ZFHX3: variants seen among roughly 807,000 people sequenced by gnomAD.
ZFHX3 encodes zinc finger homeobox 3.
In ZFHX3, 42 loss-of-function variants were observed where a neutral mutation model predicts 279.1. That is an observed-to-expected ratio of 0.15 (90% CI 0.12 to 0.19). The LOEUF (loss-of-function observed/expected upper bound fraction) is 0.19. Ranked by LOEUF, ZFHX3 falls within the 10% of genes least tolerant of loss-of-function variation. ZFHX3 has a pLI of 1.00. For missense variants in ZFHX3, 4,981 were observed against 4,754.0 expected, an observed-to-expected ratio of 1.05 and a Z score of -1.40; for synonymous variants, 2,293 against 1,957.8, an observed-to-expected ratio of 1.17 and a Z score of -4.52.
At chr16:73,011,304 TA>T (rs1597088517) in intron 1 of ZFHX3, among the ~76,000 whole-genome samples, 1 of 151,926 alleles carries the variant, frequency 6.6e-6, no homozygotes, top group African/African-American at 2.4e-5. Context: ...TTTTTTTTTT[TA>T]ATTTTTTGTA....
intron 4 of ZFHX3, among the ~76,000 whole-genome samples, chr16:72,859,922 T>C (rs2037842540): frequency 6.6e-6 from 1 of 152,162 alleles, no homozygotes; most frequent in Non-Finnish European, 1.5e-5. Flanking sequence ...TAAGACAGGC[T>C]AGTTTACAGA....
chr16:73,463,227 G>A (rs2018503000), intron 2 of ZFHX3, among the ~76,000 whole-genome samples: 1 of 152,172 alleles, frequency 6.6e-6, no homozygotes, highest in African/African-American at 2.4e-5. Context: ...AACATGCCAA[G>A]CACTTTACAA....
chr16:73,114,530 C>A (rs576479646), intron 7 of ZFHX3, among the ~76,000 whole-genome samples: 9 of 151,766 alleles, frequency 5.9e-5, no homozygotes, highest in Admixed American at 5.3e-4. Flanking sequence ...GATTTAAAAA[C>A]TAGCCAGGCA....
intron 4 of ZFHX3, among the ~76,000 whole-genome samples, chr16:72,867,014 G>A (rs965918237): frequency 2.6e-5 from 4 of 152,190 alleles, no homozygotes; most frequent in Admixed American, 2.0e-4. Flanking sequence ...TCTTAATTTG[G>A]AGAGGGAACT....
intron 3 of ZFHX3, among the ~76,000 whole-genome samples, chr16:73,370,359 G>A (rs182137804): frequency 2.4e-4 from 37 of 152,222 alleles, no homozygotes; most frequent in African/African-American, 8.2e-4. Flanking sequence ...AGCAGACTGC[G>A]TTCTCCCTGA....
At chr16:72,895,445 T>A (rs2038876460) in intron 3 of ZFHX3, among the ~76,000 whole-genome samples, 1 of 152,182 alleles carries the variant, frequency 6.6e-6, no homozygotes, top group South Asian at 2.1e-4. Context: ...CAAACTCACT[T>A]GGTTGGGCCA....
intron 4 of ZFHX3, among the ~76,000 whole-genome samples, chr16:73,311,506 T>C (rs1054154646): frequency 6.7e-6 from 1 of 148,294 alleles, no homozygotes; most frequent in Non-Finnish European, 1.5e-5. Context: ...ACGAGAATCA[T>C]TTAAACCTGT....
intron 4 of ZFHX3, among the ~76,000 whole-genome samples, chr16:73,263,379 G>T (rs544516208): frequency 6.6e-6 from 1 of 151,992 alleles, no homozygotes; most frequent in Non-Finnish European, 1.5e-5. Flanking sequence ...TAAGAGATGG[G>T]GGTCACAGTA....
chr16:73,481,515 C>T (rs2018866023), intron 2 of ZFHX3, among the ~76,000 whole-genome samples: 1 of 147,226 alleles, frequency 6.8e-6, no homozygotes, highest in African/African-American at 2.6e-5. Context: ...CTTACTGCAG[C>T]CTCAAACTCT....
chr16:72,815,689 A>C (rs184489634), intron 5 of ZFHX3, among the ~76,000 whole-genome samples: 29 of 152,346 alleles, frequency 1.9e-4, no homozygotes, highest in Middle Eastern at 3.4e-3. Flanking sequence ...ACAATATACA[A>C]AACACTTTTA....
chr16:72,990,846 G>A (rs1000460780), intron 1 of ZFHX3, among the ~76,000 whole-genome samples: 4 of 152,132 alleles, frequency 2.6e-5, no homozygotes, highest in Admixed American at 6.5e-5. Flanking sequence ...CGGGTGTGGC[G>A]GCACATGCCT....
chr16:72,949,436 C>T (rs1485404595), intron 3 of ZFHX3, among the ~76,000 whole-genome samples: 1 of 152,090 alleles, frequency 6.6e-6, no homozygotes, highest in African/African-American at 2.4e-5. Context: ...CATACTAAAG[C>T]CATTATGGGA....
Position 72,796,263 on chromosome 16 carries a change from A to G in ZFHX3, c.6419T>C (p.Leu2140Pro), listed in dbSNP as rs774424097. 17 of 1,614,016 alleles carry G rather than the reference A, an allele frequency of 1.1e-5. 1 individual carries two copies. The South Asian group carries it at 1.9e-4, about 18-fold the overall frequency. The change falls in exon 9 of 10, where the codon CTG (leucine) becomes CCG (proline). Residue 2140 changes from leucine (L) to proline (P), a missense_variant. Leu to Pro is a moderately conservative substitution (Grantham distance 98). Transcript: ENST00000268489. ...QLYQHQLNPT[L>P]LQQQNKRPRT... ...AGGCCTCTTGTTCTGCTGCTGGAGC[A>G]GGGTTGGATTGAGCTGATGCTGGTA...
intron 3 of ZFHX3, among the ~76,000 whole-genome samples, chr16:73,431,781 A>C (rs1232586711): frequency 6.6e-6 from 1 of 152,152 alleles, no homozygotes; most frequent in Non-Finnish European, 1.5e-5. Flanking sequence ...TATTAAGTAC[A>C]TGGCCCCCAA....
chr16:73,616,148 C>G (rs1420734956), intron 2 of ZFHX3, among the ~76,000 whole-genome samples: 3 of 151,640 alleles, frequency 2.0e-5, no homozygotes, highest in African/African-American at 7.3e-5. Flanking sequence ...AGATGAAAGG[C>G]CATCAGAAAG....
chr16:73,591,697 A>C (rs2052000277), intron 2 of ZFHX3, among the ~76,000 whole-genome samples: 1 of 136,144 alleles, frequency 7.3e-6, no homozygotes. Context: ...TGTCTCAAAA[A>C]AAAAAAAAAA....
chr16:73,700,336 A>G (rs952717733), intron 1 of ZFHX3, among the ~76,000 whole-genome samples: 1 of 152,254 alleles, frequency 6.6e-6, no homozygotes, highest in African/African-American at 2.4e-5. Context: ...AGAAGTAAAA[A>G]AGACAAAACT....
intron 2 of ZFHX3, among the ~76,000 whole-genome samples, chr16:72,954,947 A>G (rs1050908860): frequency 1.2e-4 from 18 of 152,242 alleles, no homozygotes; most frequent in Non-Finnish European, 2.1e-4. Flanking sequence ...GTCACATCTA[A>G]TAACACCTAC....
At position 73,637,482 on chromosome 16, in the gene ZFHX3, C is replaced by T. The variant is rs530977068; in HGVS notation, c.-1547+42698G>A. 9.9e-5 allele frequency among the ~76,000 whole-genome samples: 15 copies of T among 152,132 alleles called. No homozygotes were observed. In the East Asian group the frequency reaches 2.9e-3, roughly 29 times the overall value. On this transcript the variant is annotated intron_variant, in intron 2 of 17. Coordinates refer to the ZFHX3 transcript ENST00000641206. Reference sequence around the variant, plus strand: ...TCCTGACCTCGGGTGATCCACCCACCTCAGCCTCCCAAAGTGCTTGGATTA... The same window carrying T: ...TCCTGACCTCGGGTGATCCACCCACTTCAGCCTCCCAAAGTGCTTGGATTA...
Sources: allele counts gnomAD v4.1 joint callset (sites outside exome capture counted in the v4.1 genomes callset), GRCh38; gene constraint gnomAD v4.1.1; transcripts MANE v1.5; gene names NCBI Gene and HGNC (gene_info 2026-07-23, HGNC 2026-07-21).